Variants in MAP3K13 observed in about 807,000 individuals in gnomAD.
The protein encoded by MAP3K13 is mitogen-activated protein kinase kinase kinase 13, also known as leucine zipper-bearing kinase.
Under a neutral mutation model 104.0 loss-of-function variants are expected in MAP3K13, and 52 were observed. The ratio of observed to expected loss-of-function variants is 0.50; its 90% CI spans 0.40 to 0.63. The LOEUF is 0.63. MAP3K13 is among the 20% of genes least tolerant of loss of function. MAP3K13 has a pLI of 0.00. For missense variants in MAP3K13, 914 were observed against 1,218.5 expected, an observed-to-expected ratio of 0.75 and a Z score of 3.72; for synonymous variants, 394 against 442.2, an observed-to-expected ratio of 0.89 and a Z score of 1.37.
At chr3:185,328,168 A>C (rs1247053253) in intron 2 of MAP3K13, among the ~76,000 whole-genome samples, 1 of 152,196 alleles carries the variant, frequency 6.6e-6, no homozygotes, top group Non-Finnish European at 1.5e-5. Flanking sequence ...TTTGAATGTC[A>C]GAAAATACTA....
At chr3:185,409,732 C>T (rs553025453) in intron 1 of MAP3K13, among the ~76,000 whole-genome samples, 30 of 152,210 alleles carry the variant, frequency 2.0e-4, no homozygotes, top group African/African-American at 7.0e-4. Flanking sequence ...TGAATCAACC[C>T]ATGTCCGACA....
chr3:185,341,526 G>A (rs868394361), intron 2 of MAP3K13, among the ~76,000 whole-genome samples: 3 of 152,126 alleles, frequency 2.0e-5, no homozygotes, highest in Admixed American at 6.5e-5. Flanking sequence ...AAATATGCCC[G>A]GGAAACTAAT....
chr3:185,314,781 G>A (rs989659323), intron 2 of MAP3K13, among the ~76,000 whole-genome samples: 1 of 151,998 alleles, frequency 6.6e-6, no homozygotes, highest in Admixed American at 6.6e-5. Flanking sequence ...AGCACTACAG[G>A]TACACACCAC....
intron 3 of MAP3K13, 26 bp downstream of exon 3, chr3:185,437,656 GA>G: frequency 6.9e-7 from 1 of 1,447,440 alleles, no homozygotes; most frequent in Non-Finnish European, 9.4e-7. Flanking sequence ...TTTTTTTTAA[GA>G]AGTAGACCTA....
At chr3:185,285,589 C>G in exon 2 of MAP3K13, 1 of 1,531,090 alleles carries the variant, frequency 6.5e-7, no homozygotes, top group Non-Finnish European at 8.7e-7. Context: ...CATTAATGGA[C>G]AAAAACATGA....
At chr3:185,395,353 A>ATGTCTTTTTTTTTTTTTT (rs1560083056) in intron 1 of MAP3K13, among the ~76,000 whole-genome samples, 1 of 18,488 alleles carries the variant, frequency 5.4e-5, no homozygotes, top group African/African-American at 1.8e-4. Context: ...ATTCAATATT[A>ATGTCTTTTTTTTTTTTTT]TTTCTTTTTT....
chr3:185,487,715 G>A lies in MAP3K13; in HGVS notation c.*5259G>A, dbSNP rs967800703. 15 of 152,018 alleles carry A rather than the reference G, an allele frequency of 9.9e-5. No homozygotes were observed. The highest frequency in any genetic ancestry group is 3.1e-4 in the African/African-American group (13 of 41,380). 9.4% of individuals were successfully genotyped at this position (152,018 alleles called of 1,614,324 possible). ...GTGTGCTATGTTTTGTTTTCCCACTGAGCCAGAAGCCGAAATATTATACTA... is the reference window on the plus strand; with the variant it reads ...GTGTGCTATGTTTTGTTTTCCCACTAAGCCAGAAGCCGAAATATTATACTA... On this transcript the variant is annotated 3_prime_UTR_variant, in exon 14 of 14. Transcript: ENST00000265026.
intron 2 of MAP3K13, among the ~76,000 whole-genome samples, chr3:185,332,530 A>T (rs957029597): frequency 6.6e-6 from 1 of 152,194 alleles, no homozygotes; most frequent in Admixed American, 6.5e-5. Context: ...TTCTATACTC[A>T]TTAAATAACA....
intron 7 of MAP3K13, 32 bp downstream of exon 7, chr3:185,451,427 T>A (rs1237274593): frequency 7.0e-7 from 1 of 1,425,922 alleles, no homozygotes; most frequent in Admixed American, 1.7e-5. Flanking sequence ...CAGGTGCTAC[T>A]AAACAGATAG....
In MAP3K13 at chr3:185,455,543, A is replaced by ATATATGACATATATAT. The variant is rs1491361772; in HGVS notation, c.1278+4148_1278+4149insTATATGACATATATAT. The stretch of plus-strand genomic sequence containing the variant: ...ATATGATATATATGAGATATATATG[A>ATATATGACATATATAT]CATATATATGATATATATGAGATAT... On this transcript the variant is annotated intron_variant, in intron 7 of 13. Coordinates refer to ENST00000265026, the MANE Select transcript of MAP3K13 (RefSeq NM_004721.5). Among the ~76,000 whole-genome samples, 4 of 7,466 alleles carry ATATATGACATATATAT rather than the reference A, an allele frequency of 5.4e-4. 1 individual carries two copies. The highest frequency in any genetic ancestry group is 8.1e-4 in the Non-Finnish European group (4 of 4,950). 4.9% of individuals were successfully genotyped at this position (7,466 alleles called of 152,430 possible). A position where few individuals can be genotyped will look rare whatever the true frequency, so the allele number is the denominator to read the frequency against.
At position 185,328,993 on chromosome 3, in the gene MAP3K13, T is replaced by A. The variant is rs1722142510; in HGVS notation, c.-86+43350T>A. On this transcript the variant is annotated intron_variant, in intron 2 of 14. Coordinates refer to the MAP3K13 transcript ENST00000424227. ...TAGTTTTTTTTAAAAAAAACTATTA[T>A]GACATTTTCATATAAAAAGGATTGT... 6 of 473,304 alleles carry A rather than the reference T, an allele frequency of 1.3e-5. No homozygotes were observed. In the South Asian group the frequency reaches 1.8e-4, roughly 14 times the overall value. 29.3% of individuals were successfully genotyped at this position (473,304 alleles called of 1,614,324 possible).
Position 185,443,647 on chromosome 3 carries a change from G to A in MAP3K13, c.851+11G>A, listed in dbSNP as rs1715445571. ...TCTCAAATCACCTAAGTGAGTTCTG[G>A]GGCTAATGTTTCAGCTATTTTGGTT... On this transcript the variant is annotated intron_variant, in intron 4 of 13. Coordinates refer to ENST00000265026, the MANE Select transcript of MAP3K13 (RefSeq NM_004721.5). The A allele has an allele frequency of 1.2e-6, 2 of 1,604,588 alleles. No homozygotes were observed. The highest frequency in any genetic ancestry group is 4.5e-5 in the East Asian group (2 of 44,696).
At position 185,483,556 on chromosome 3, in the gene MAP3K13, C is replaced by T; in HGVS notation, c.*1100C>T. The T allele has an allele frequency of 1.3e-5, 3 of 225,400 alleles. No homozygotes were observed. Among genetic ancestry groups the T allele is most frequent in the Non-Finnish European group, 2.6e-5 (3 of 113,234 alleles). The allele number at this position is 225,400 out of a possible 1,614,324, so 14.0% of individuals were successfully genotyped here. On this transcript the variant is annotated 3_prime_UTR_variant, in exon 14 of 14. Transcript: ENST00000265026. ...CTACGAGGAGAAGATGGAACCACCCCTCTCTGGAGCCAGGTTGCTTGTCTA... is the reference window on the plus strand; with the variant it reads ...CTACGAGGAGAAGATGGAACCACCCTTCTCTGGAGCCAGGTTGCTTGTCTA...
At position 185,345,011 on chromosome 3, in the gene MAP3K13, C is replaced by A. The variant is rs146284414; in HGVS notation, c.-86+59368C>A. On this transcript the variant is annotated intron_variant, in intron 2 of 14. Transcript: ENST00000424227. ...CCAAGTAGCTGGGATTACAGGCATG[C>A]GCCACCATGCCCAGCTAATTTTTGT... Among the ~76,000 whole-genome samples the A allele has an allele frequency of 2.6e-5, 4 of 151,956 alleles. No homozygotes were observed. In the South Asian group the frequency reaches 8.3e-4, roughly 32 times the overall value.
intron 12 of MAP3K13, among the ~76,000 whole-genome samples, chr3:185,477,827 T>C (rs1330984370): frequency 1.3e-5 from 2 of 152,222 alleles, no homozygotes; most frequent in African/African-American, 4.8e-5. Context: ...ATCAAGGTTC[T>C]AGCTGACTCA....
chr3:185,331,823 T>C (rs941186043), intron 2 of MAP3K13, among the ~76,000 whole-genome samples: 1 of 152,220 alleles, frequency 6.6e-6, no homozygotes, highest in Non-Finnish European at 1.5e-5. Context: ...TTTCTTGATA[T>C]ATGTAGTAAG....
chr3:185,359,177 A>T (rs1723498213), upstream of MAP3K13, among the ~76,000 whole-genome samples: 1 of 152,206 alleles, frequency 6.6e-6, no homozygotes, highest in African/African-American at 2.4e-5. Context: ...AGAGCAAGTT[A>T]TATCTTACAC....
At chr3:185,375,598 G>A (rs931598007) in intron 1 of MAP3K13, among the ~76,000 whole-genome samples, 3 of 152,144 alleles carry the variant, frequency 2.0e-5, no homozygotes, top group African/African-American at 7.2e-5. Context: ...AAGTTTCAGC[G>A]AGGGAGTAGG....
At chr3:185,312,425 T>C (rs1197251475) in intron 2 of MAP3K13, among the ~76,000 whole-genome samples, 1 of 152,248 alleles carries the variant, frequency 6.6e-6, no homozygotes, top group Non-Finnish European at 1.5e-5. Context: ...GGATTACCCC[T>C]CTGGTTCTAT....
Sources: allele counts gnomAD v4.1 joint callset (sites outside exome capture counted in the v4.1 genomes callset), GRCh38; gene constraint gnomAD v4.1.1; transcripts MANE v1.5; gene names NCBI Gene and HGNC (gene_info 2026-07-23, HGNC 2026-07-21).